Variants in ADAMTS19 observed in about 807,000 individuals in gnomAD.
The protein encoded by ADAMTS19 is A disintegrin and metalloproteinase with thrombospondin motifs 19.
A neutral mutation model predicts 153.3 loss-of-function variants in ADAMTS19; 93 were observed. That is an observed-to-expected ratio of 0.61 (90% CI 0.51 to 0.72). ADAMTS19 has a LOEUF of 0.72. ADAMTS19 is among the 30% of genes least tolerant of loss of function. The probability of loss-of-function intolerance (pLI) is 0.00; values close to 1 mark genes in which losing one functional copy is unlikely to be tolerated. For missense variants in ADAMTS19, 1,482 were observed against 1,552.1 expected (o/e 0.95, Z 0.76); for synonymous variants, 600 against 556.6 (o/e 1.08, Z -1.10).
At chr5:129,621,590 T>A (rs1003835069) in intron 9 of ADAMTS19, among the ~76,000 whole-genome samples, 1 of 152,216 alleles carries the variant, frequency 6.6e-6, no homozygotes, top group Non-Finnish European at 1.5e-5. Flanking sequence ...GCATGTGATA[T>A]TTCAGACACA....
chr5:129,634,519 G>GA (rs1219136426), intron 10 of ADAMTS19, among the ~76,000 whole-genome samples: 1 of 152,106 alleles, frequency 6.6e-6, no homozygotes, highest in Non-Finnish European at 1.5e-5. Context: ...GATGTTACCT[G>GA]ACTTCAAACT....
intron 8 of ADAMTS19, among the ~76,000 whole-genome samples, chr5:129,614,557 T>G (rs1033147073): frequency 1.1e-4 from 17 of 152,120 alleles, no homozygotes; most frequent in African/African-American, 4.1e-4. Flanking sequence ...GAGATATTTA[T>G]GACAAACCCA....
chr5:129,633,535 C>T (rs535798693), intron 10 of ADAMTS19, among the ~76,000 whole-genome samples: 14 of 152,100 alleles, frequency 9.2e-5, no homozygotes, highest in Admixed American at 2.6e-4. Context: ...TTTCTATGGC[C>T]GCCCTCAAGC....
intron 6 of ADAMTS19, 97 bp from the exon 7 acceptor site, chr5:129,551,767 C>T (rs567165569): frequency 2.9e-6 from 2 of 690,004 alleles, no homozygotes; most frequent in East Asian, 3.0e-5. Context: ...GACAGATGTG[C>T]TTCAATTAAT....
intron 21 of ADAMTS19, among the ~76,000 whole-genome samples, chr5:129,733,327 G>A (rs538456973): frequency 2.0e-5 from 3 of 152,134 alleles, no homozygotes; most frequent in African/African-American, 7.2e-5. Flanking sequence ...AAATGAAAGA[G>A]CTTCTGCACA....
chr5:129,734,314 A>G (rs192927525), intron 21 of ADAMTS19, among the ~76,000 whole-genome samples: 85 of 152,060 alleles, frequency 5.6e-4, no homozygotes, highest in Non-Finnish European at 9.7e-4. Context: ...AAAAAGAGAA[A>G]AAAAGTACCT....
chr5:129,527,785 A>C lies in ADAMTS19; in HGVS notation c.1124A>C (p.Gln375Pro). ...NLFQHKSLSVQVNLRVIKLIL... is the reference protein window; with the variant it reads ...NLFQHKSLSVPVNLRVIKLIL... ...TTCCAACACAAGAGTCTGAGTGTGC[A>C]GGTCAATCTTCGTGTGATAAAGCTT... Residue 375 changes from glutamine (Q) to proline (P), a missense_variant, in exon 5 of 23, where the codon CAG becomes CCG. Gln to Pro is a moderately conservative substitution (Grantham distance 76). This residue lies in a region of ADAMTS19 where 866 missense variants were observed against 827.7 expected (regional missense o/e 1.05). Coordinates refer to ENST00000274487, the MANE Select transcript of ADAMTS19 (RefSeq NM_133638.6). 1 of 1,600,120 alleles carries C rather than the reference A, an allele frequency of 6.2e-7. No homozygotes were observed. The highest frequency in any genetic ancestry group is 8.5e-7 in the Non-Finnish European group (1 of 1,170,264).
chr5:129,534,849 A>C (rs1189775932), intron 6 of ADAMTS19, among the ~76,000 whole-genome samples: 2 of 152,216 alleles, frequency 1.3e-5, no homozygotes, highest in Non-Finnish European at 2.9e-5. Flanking sequence ...TAGATGCAGA[A>C]AAGGCCTTTG....
At chr5:129,505,156 A>G (rs1413373959) in intron 2 of ADAMTS19, among the ~76,000 whole-genome samples, 2 of 152,198 alleles carry the variant, frequency 1.3e-5, no homozygotes, top group African/African-American at 4.8e-5. Context: ...GCCTCAAAAC[A>G]TACCTTAAGC....
At chr5:129,714,149 G>C (rs969878287) in intron 21 of ADAMTS19, among the ~76,000 whole-genome samples, 36 of 152,146 alleles carry the variant, frequency 2.4e-4, no homozygotes, top group African/African-American at 8.2e-4. Flanking sequence ...GCCGGGCGCG[G>C]TGGCTCACGC....
At chr5:129,613,552 T>G (rs1233415993) in intron 8 of ADAMTS19, among the ~76,000 whole-genome samples, 2 of 151,634 alleles carry the variant, frequency 1.3e-5, no homozygotes, top group Non-Finnish European at 2.9e-5. Flanking sequence ...AAAGGGAAAT[T>G]TATAGCACTA....
chr5:129,734,210 C>T (rs6866986), intron 21 of ADAMTS19, among the ~76,000 whole-genome samples: 2,390 of 151,812 alleles, frequency 0.016, 62 homozygotes, highest in African/African-American at 0.053. Context: ...AATTTAGGTA[C>T]TTGGTACAGT....
chr5:129,655,903 C>T (rs373436333), intron 14 of ADAMTS19, among the ~76,000 whole-genome samples: 41 of 152,232 alleles, frequency 2.7e-4, no homozygotes, highest in East Asian at 2.3e-3. Context: ...TAACAGAATA[C>T]GGCAATTACC....
chr5:129,522,334 T>C (rs926861165), intron 3 of ADAMTS19, among the ~76,000 whole-genome samples: 1,208 of 79,998 alleles, frequency 0.015, 5 homozygotes, highest in African/African-American at 0.044. Flanking sequence ...CACACACACA[T>C]ATATATATAT....
intron 21 of ADAMTS19, among the ~76,000 whole-genome samples, chr5:129,726,588 T>C (rs1323840315): frequency 6.6e-6 from 1 of 152,162 alleles, no homozygotes; most frequent in East Asian, 1.9e-4. Flanking sequence ...AAACACCTAC[T>C]TAAGGGTCCA....
chr5:129,586,825 G>A (rs1039260366), intron 7 of ADAMTS19, among the ~76,000 whole-genome samples: 3 of 152,090 alleles, frequency 2.0e-5, no homozygotes, highest in Admixed American at 6.6e-5. Context: ...GGTGTTATCC[G>A]TGTTTTGAAT....
At chr5:129,578,143 TGC>T in intron 7 of ADAMTS19, among the ~76,000 whole-genome samples, 4 of 129,908 alleles carry the variant, frequency 3.1e-5, no homozygotes, top group African/African-American at 8.4e-5. Flanking sequence ...TATACCTATA[TGC>T]ATGTATATGT....
Position 129,658,637 on chromosome 5 carries a change from A to G in ADAMTS19, c.2325A>G (p.Leu775=). Residue 775 remains leucine (L), a synonymous_variant, in exon 15 of 23, where the codon TTA becomes TTG. Transcript: ENST00000274487. ...GRCQKVGCDG[L]LGSLAREDHC... is the part of the protein sequence containing the mutation. Reference sequence around the variant, plus strand: ...TACAGAAAGTTGGCTGTGATGGTTTATTAGGGTCTCTTGCAAGAGAAGATC... The same window carrying G: ...TACAGAAAGTTGGCTGTGATGGTTTGTTAGGGTCTCTTGCAAGAGAAGATC... The G allele has an allele frequency of 2.5e-6, 4 of 1,613,090 alleles. No individual in the cohort carries two copies. The highest frequency in any genetic ancestry group is 3.4e-6 in the Non-Finnish European group (4 of 1,179,566).
chr5:129,508,997 CAG>C, intron 2 of ADAMTS19, 78 bp from the exon 3 acceptor site: 2 of 1,222,818 alleles, frequency 1.6e-6, no homozygotes, highest in East Asian at 2.6e-5. Context: ...TTAACAAAAA[CAG>C]AATGTATGAA....
Sources: gnomAD v4.1 joint callset for allele counts (sites outside exome capture counted in the v4.1 genomes callset) on GRCh38, gnomAD v4.1.1 for gene constraint, gnomAD v4.1.1 regional missense constraint, MANE v1.5 for transcripts, NCBI Gene and HGNC (gene_info 2026-07-23, HGNC 2026-07-21) for gene names.